Variants in NTRK3 observed in about 807,000 individuals in gnomAD.
The protein encoded by NTRK3 is neurotrophic receptor tyrosine kinase 3.
In NTRK3, 24 loss-of-function variants were observed where a neutral mutation model predicts 91.7. That is an observed-to-expected ratio of 0.26 (90% CI 0.19 to 0.37). The LOEUF (loss-of-function observed/expected upper bound fraction) is 0.37, where lower values mean the gene tolerates loss of function less well. Ranked by LOEUF, NTRK3 falls within the 10% of genes least tolerant of loss-of-function variation. The pLI, the probability that NTRK3 is intolerant of heterozygous loss-of-function variation, is 1.00. For synonymous variants in NTRK3, 483 were observed against 404.0 expected (o/e 1.20, Z -2.34); for missense variants, 880 against 1,068.9 (o/e 0.82, Z 2.46).
chr15:88,118,209 T>C (rs2052318401), intron 13 of NTRK3, among the ~76,000 whole-genome samples: 1 of 152,208 alleles, frequency 6.6e-6, no homozygotes, highest in African/African-American at 2.4e-5. Context: ...TAAAGCCCTC[T>C]GCAGAGTTCA....
rs953340137 is a variant in NTRK3, at chr15:87,929,501, T to A, written c.1890-67A>T. On this transcript the variant is annotated intron_variant, in intron 16 of 18. Coordinates refer to ENST00000394480, the Ensembl canonical transcript of NTRK3. ...AGGAGATCAAGGAGAAAGGCCTTCC[T>A]GGGTCCCTGCCCTCTGGAATGCCCC... 2.5e-6 allele frequency: 4 copies of A among 1,587,292 alleles called. No individual in the cohort carries two copies. The Admixed American group carries it at 6.9e-5, about 27-fold the overall frequency.
chr15:87,871,496 G>A (rs140944148), exon 19 of NTRK3: 50 of 230,444 alleles, frequency 2.2e-4, no homozygotes, highest in Non-Finnish European at 2.2e-4. Flanking sequence ...TGCTGGTGGC[G>A]TCTATACCAA....
chr15:88,185,434 CT>C (rs965289798), intron 3 of NTRK3, among the ~76,000 whole-genome samples: 1 of 152,136 alleles, frequency 6.6e-6, no homozygotes, highest in Non-Finnish European at 1.5e-5. Flanking sequence ...CTCATTACTG[CT>C]TTTGGGATCC....
intron 13 of NTRK3, among the ~76,000 whole-genome samples, chr15:88,059,423 C>A (rs988077682): frequency 6.6e-6 from 1 of 152,148 alleles, no homozygotes; most frequent in African/African-American, 2.4e-5. Flanking sequence ...GCTCCTCTAT[C>A]ACCTATAAAC....
chr15:87,919,963 GTCT>G (rs2067741306), intron 17 of NTRK3, among the ~76,000 whole-genome samples: 2 of 152,108 alleles, frequency 1.3e-5, no homozygotes, highest in Non-Finnish European at 2.9e-5. Flanking sequence ...AAAAAATCAA[GTCT>G]TCTTCTCACT....
chr15:87,875,241 C>T (rs2064917893), exon 19 of NTRK3: 2 of 230,240 alleles, frequency 8.7e-6, no homozygotes, highest in South Asian at 1.8e-4. Context: ...CCTTAGGTAG[C>T]TCTGTGCTTG....
chr15:88,112,671 C>A (rs897117262), intron 13 of NTRK3, among the ~76,000 whole-genome samples: 2 of 152,198 alleles, frequency 1.3e-5, no homozygotes, highest in Non-Finnish European at 2.9e-5. Flanking sequence ...ACAAAAAAGT[C>A]TCCTGTCAGG....
intron 14 of NTRK3, among the ~76,000 whole-genome samples, chr15:88,028,488 G>A (rs1042363952): frequency 5.3e-5 from 8 of 152,164 alleles, no homozygotes; most frequent in African/African-American, 1.7e-4. Context: ...AAAAGAAACA[G>A]ATGGACCTTC....
chr15:88,142,223 T>G (rs2042451130), intron 6 of NTRK3, among the ~76,000 whole-genome samples: 1 of 152,130 alleles, frequency 6.6e-6, no homozygotes, highest in Admixed American at 6.5e-5. Context: ...CAGGGGAGCC[T>G]TTAGCCAGGA....
chr15:88,145,250 G>A (rs890261045), intron 6 of NTRK3, among the ~76,000 whole-genome samples: 3 of 152,148 alleles, frequency 2.0e-5, no homozygotes, highest in East Asian at 1.9e-4. Context: ...GAGCCAACAC[G>A]CGGCCCCTCC....
intron 12 of NTRK3, 68 bp downstream of exon 12, chr15:88,127,094 C>A: frequency 7.5e-7 from 1 of 1,340,718 alleles, no homozygotes; most frequent in Non-Finnish European, 1.1e-6. Context: ...GAAAAGTTAG[C>A]AACACAAATG....
intron 13 of NTRK3, among the ~76,000 whole-genome samples, chr15:88,048,715 C>T (rs1017969973): frequency 6.6e-6 from 1 of 152,184 alleles, no homozygotes; most frequent in African/African-American, 2.4e-5. Context: ...TTAAATTTAA[C>T]TCCTTTGCAG....
intron 3 of NTRK3, among the ~76,000 whole-genome samples, chr15:88,221,687 T>G (rs763879362): frequency 2.7e-4 from 41 of 152,050 alleles, no homozygotes; most frequent in Non-Finnish European, 2.2e-4. Flanking sequence ...AAACAAAGAA[T>G]TTGCCACCCC....
At chr15:88,039,192 CCTGTTATCGGCCTCTCTG>C (rs2079368643) in intron 13 of NTRK3, among the ~76,000 whole-genome samples, 1 of 151,662 alleles carries the variant, frequency 6.6e-6, no homozygotes, top group African/African-American at 2.4e-5. Flanking sequence ...CCGCCTATTA[CCTGTTATCGGCCTCTCTG>C]CTGTCACTAA....
rs1405687870 is a variant in NTRK3, at chr15:87,909,971, C to A, written c.2133+19220G>T. ...TTGTTGAAGCCCCCAGTCTGTGGAG[C>A]ACTGCTATGGCAGCCCGAACAAATG... On this transcript the variant is annotated intron_variant, in intron 17 of 18. Coordinates refer to ENST00000394480, the Ensembl canonical transcript of NTRK3. Among the ~76,000 whole-genome samples, 3 of 152,156 alleles carry A rather than the reference C, an allele frequency of 2.0e-5. 1 individual carries two copies. Among genetic ancestry groups the A allele is most frequent in the Admixed American group, 2.0e-4 (3 of 15,276 alleles).
At chr15:87,911,376 G>T (rs1224534659) in intron 17 of NTRK3, among the ~76,000 whole-genome samples, 2 of 152,188 alleles carry the variant, frequency 1.3e-5, no homozygotes, top group African/African-American at 4.8e-5. Flanking sequence ...TAGGATCTCA[G>T]AATTAGAGAA....
intron 14 of NTRK3, among the ~76,000 whole-genome samples, chr15:87,964,276 A>C (rs1175029656): frequency 2.0e-5 from 3 of 152,160 alleles, no homozygotes; most frequent in South Asian, 2.1e-4. Flanking sequence ...AAAAAAGGGG[A>C]GTGCTCTCAT....
intron 14 of NTRK3, among the ~76,000 whole-genome samples, chr15:87,972,603 A>T (rs2073351615): frequency 6.6e-6 from 1 of 152,150 alleles, no homozygotes; most frequent in East Asian, 1.9e-4. Context: ...GTCCCCACCC[A>T]TAGGTAAATC....
chr15:88,172,553 A>G (rs900232767), intron 5 of NTRK3, among the ~76,000 whole-genome samples: 4 of 152,270 alleles, frequency 2.6e-5, no homozygotes, highest in Admixed American at 1.3e-4. Context: ...TGACAGGGTT[A>G]TAAGAAAATT....
Sources: gnomAD v4.1 joint callset for allele counts (sites outside exome capture counted in the v4.1 genomes callset) on GRCh38, gnomAD v4.1.1 for gene constraint, MANE v1.5 for transcripts, NCBI Gene and HGNC (gene_info 2026-07-23, HGNC 2026-07-21) for gene names.